DGKB: variants seen among roughly 807,000 people sequenced by gnomAD.
DGKB encodes 90 kDa diacylglycerol kinase.
In DGKB, 67 loss-of-function variants were observed where a neutral mutation model predicts 114.3. That is an observed-to-expected ratio of 0.59 (90% confidence interval 0.48 to 0.72). DGKB has a LOEUF of 0.72. DGKB is among the 30% of genes least tolerant of loss of function. The pLI, the probability that DGKB is intolerant of heterozygous loss-of-function variation, is 0.00. For synonymous variants in DGKB, 398 were observed against 323.1 expected, an observed-to-expected ratio of 1.23 and a Z score of -2.49; for missense variants, 907 against 975.2, an observed-to-expected ratio of 0.93 and a Z score of 0.93.
chr7:14,526,677 A>T (rs1471857311), intron 20 of DGKB, among the ~76,000 whole-genome samples: 4 of 152,194 alleles, frequency 2.6e-5, no homozygotes, highest in African/African-American at 7.2e-5. Context: ...CAAGTTGCTT[A>T]CAAAATCGTG....
intron 21 of DGKB, among the ~76,000 whole-genome samples, chr7:14,423,101 T>C (rs1203920344): frequency 6.6e-6 from 1 of 152,036 alleles, no homozygotes; most frequent in Admixed American, 6.6e-5. Flanking sequence ...AAAATCAGTA[T>C]GATTTGGTTA....
chr7:14,944,812 T>TG (rs1443276005), intron 1 of DGKB, among the ~76,000 whole-genome samples: 7 of 99,350 alleles, frequency 7.0e-5, no homozygotes, highest in African/African-American at 3.4e-4. Context: ...CTAAGACTGA[T>TG]GGAAAAAAAA....
intron 13 of DGKB, among the ~76,000 whole-genome samples, chr7:14,639,795 C>G (rs1811406125): frequency 6.6e-6 from 1 of 152,170 alleles, no homozygotes; most frequent in Non-Finnish European, 1.5e-5. Flanking sequence ...TTTTCTCCCT[C>G]CATAAATCAC....
intron 23 of DGKB, among the ~76,000 whole-genome samples, chr7:14,233,929 GC>G (rs139822967): frequency 0.019 from 2,939 of 152,058 alleles, 198 homozygotes; most frequent in East Asian, 0.13. Context: ...CTAAACAAAG[GC>G]CTGGCAAAGG....
intron 21 of DGKB, among the ~76,000 whole-genome samples, chr7:14,416,851 T>C (rs1346480274): frequency 6.6e-6 from 1 of 152,094 alleles, no homozygotes; most frequent in Non-Finnish European, 1.5e-5. Flanking sequence ...CACAGGTAAT[T>C]TTACTCAACG....
At chr7:14,356,811 T>C (rs1417638495) in intron 21 of DGKB, among the ~76,000 whole-genome samples, 1 of 152,210 alleles carries the variant, frequency 6.6e-6, no homozygotes, top group Admixed American at 6.5e-5. Context: ...TTTGTTCTCA[T>C]TGGTTTCAAA....
chr7:14,225,729 A>T (rs1790696429), intron 23 of DGKB, among the ~76,000 whole-genome samples: 1 of 140,652 alleles, frequency 7.1e-6, no homozygotes, highest in Non-Finnish European at 1.5e-5. Context: ...TAGAGATTTA[A>T]AAAAAATAAC....
chr7:14,913,276 G>C (rs1034479811), intron 1 of DGKB, among the ~76,000 whole-genome samples: 6 of 151,496 alleles, frequency 4.0e-5, no homozygotes, highest in African/African-American at 1.5e-4. Flanking sequence ...GAAAATATAC[G>C]ATTTCACCCT....
chr7:14,572,966 C>T (rs1309954350), intron 20 of DGKB, among the ~76,000 whole-genome samples: 1 of 150,088 alleles, frequency 6.7e-6, no homozygotes, highest in African/African-American at 2.4e-5. Flanking sequence ...CCAATCAATT[C>T]CTTCCTGAAA....
In DGKB at chr7:14,736,157, G is replaced by A. The variant is rs1437412358; in HGVS notation, c.206C>T (p.Thr69Ile). ...DFEGFKLFMK[T>I]FLEAELPDDF... The stretch of plus-strand genomic sequence containing the variant: ...ATCAGGAAGCTCGGCTTCCAGGAAT[G>A]TCTTCATGAATAGTTTGAAACCTTC... Residue 69 changes from threonine (T) to isoleucine (I), a missense_variant, in exon 5 of 26, where the codon ACA becomes ATA. This residue lies in a region of DGKB where 814 missense variants were observed against 856.6 expected (regional missense o/e 0.95). Transcript: ENST00000402815. The A allele has an allele frequency of 5.0e-6, 8 of 1,606,078 alleles. No homozygotes were observed. The highest frequency in any genetic ancestry group is 6.0e-6 in the Non-Finnish European group (7 of 1,174,566).
At chr7:14,177,279 C>T (rs1781901038) in intron 24 of DGKB, among the ~76,000 whole-genome samples, 1 of 151,992 alleles carries the variant, frequency 6.6e-6, no homozygotes, top group African/African-American at 2.4e-5. Flanking sequence ...CCAACACTTC[C>T]AGATAAATAA....
chr7:14,159,759 G>T (rs1319333505), intron 25 of DGKB, among the ~76,000 whole-genome samples: 1 of 152,054 alleles, frequency 6.6e-6, no homozygotes, highest in South Asian at 2.1e-4. Flanking sequence ...AACCACCCCC[G>T]TCTCCTGGGT....
chr7:14,923,496 G>C (rs962356009), intron 1 of DGKB, among the ~76,000 whole-genome samples: 1 of 152,102 alleles, frequency 6.6e-6, no homozygotes, highest in African/African-American at 2.4e-5. Context: ...ATGCAAGTTA[G>C]AAGACAAATT....
rs142967946 is a variant in DGKB at position 14,954,432 on chromosome 7, T to A, written c.-188+20264A>T. ...GCAAAGCCTTGCAAGGCCTCTAATT[T>A]ATCCTAAGTTAAAGCAAATCATTAA... On this transcript the variant is annotated intron_variant, in intron 1 of 4. Coordinates refer to the DGKB transcript ENST00000437998. Among the ~76,000 whole-genome samples, 645 of 152,202 alleles carry A rather than the reference T, an allele frequency of 4.2e-3. 6 individuals carry two copies. The highest frequency in any genetic ancestry group is 0.015 in the African/African-American group (619 of 41,556).
chr7:14,865,325 A>T (rs953913859), intron 1 of DGKB, among the ~76,000 whole-genome samples: 2 of 152,218 alleles, frequency 1.3e-5, no homozygotes, highest in South Asian at 2.1e-4. Context: ...ACTATCTCAT[A>T]GGAATGAAGC....
intron 23 of DGKB, among the ~76,000 whole-genome samples, chr7:14,314,931 C>A (rs952085699): frequency 4.0e-4 from 60 of 151,686 alleles, no homozygotes; most frequent in Non-Finnish European, 1.6e-4. Context: ...AACAGCGGAT[C>A]TCTCGGCAGA....
chr7:14,767,965 C>A (rs1220711154), intron 2 of DGKB, among the ~76,000 whole-genome samples: 1 of 151,794 alleles, frequency 6.6e-6, no homozygotes, highest in East Asian at 1.9e-4. Flanking sequence ...TAAGACAATA[C>A]AAAATCATTA....
At chr7:14,198,553 C>T (rs925043521) in intron 23 of DGKB, among the ~76,000 whole-genome samples, 3 of 152,022 alleles carry the variant, frequency 2.0e-5, no homozygotes, top group Admixed American at 2.0e-4. Context: ...AAACCCATGG[C>T]TTACAATACC....
Position 14,607,512 on chromosome 7 carries a change from TA to T in DGKB, c.1359-5del. ...ATACTGGAATTTTCTGTAAATTCTA[TA>T]AAGGTGAAAATGTGGGGAAAAAATT... On this transcript the variant is annotated splice_polypyrimidine_tract_variant and splice_region_variant and intron_variant, in intron 16 of 25. Coordinates refer to ENST00000402815, the MANE Select transcript of DGKB (RefSeq NM_001350709.2). The T allele has an allele frequency of 6.7e-7, 1 of 1,495,770 alleles. No individual in the cohort carries two copies. Among genetic ancestry groups the T allele is most frequent in the Non-Finnish European group, 9.3e-7 (1 of 1,077,862 alleles). The allele number at this position is 1,495,770 out of a possible 1,614,324, so 92.7% of individuals were successfully genotyped here.
Sources: allele counts gnomAD v4.1 joint callset (sites outside exome capture counted in the v4.1 genomes callset), GRCh38; gene constraint gnomAD v4.1.1; regional missense constraint gnomAD v4.1.1; transcripts MANE v1.5; gene names NCBI Gene and HGNC (gene_info 2026-07-23, HGNC 2026-07-21).